Variants in MYO6 observed in about 807,000 individuals in gnomAD.
MYO6 encodes the protein myosin VI, also known as unconventional myosin-VI.
Under a neutral mutation model 178.7 loss-of-function variants are expected in MYO6, and 74 were observed. That is an observed-to-expected ratio of 0.41 (90% CI 0.34 to 0.50). The LOEUF (loss-of-function observed/expected upper bound fraction) is 0.50. Ranked by LOEUF, MYO6 falls within the 20% of genes least tolerant of loss-of-function variation. The pLI, the probability that MYO6 is intolerant of heterozygous loss-of-function variation, is 0.09. For synonymous variants in MYO6, 477 were observed against 504.6 expected (o/e 0.95, Z 0.73); for missense variants, 1,330 against 1,547.4 (o/e 0.86, Z 2.36).
intron 6 of MYO6, 22 bp from the exon 7 acceptor site, chr6:75,835,879 T>C: frequency 6.9e-7 from 1 of 1,452,606 alleles, no homozygotes; most frequent in Non-Finnish European, 9.7e-7. Context: ...CATCAACATT[T>C]TTTATCCTAT....
In MYO6 at chr6:75,908,517, G is replaced by T. The variant is rs1312507204; in HGVS notation, c.3302G>T (p.Cys1101Phe). Residue 1101 changes from cysteine (C) to phenylalanine (F), a missense_variant, in exon 32 of 35, where the codon TGC (cysteine) becomes TTC (phenylalanine). Physicochemically the swap from Cys to Phe is radical, Grantham distance 205. Coordinates refer to ENST00000369977, the MANE Select transcript of MYO6 (RefSeq NM_004999.4). ...ATAGATATTGAGCTCCTGGCAGCTTGCAGAGAAGAATTTCATAGGAGACTA... is the reference window on the plus strand; with the variant it reads ...ATAGATATTGAGCTCCTGGCAGCTTTCAGAGAAGAATTTCATAGGAGACTA... Reference protein sequence around the residue: ...TSCDIELLAACREEFHRRLKV... With the variant: ...TSCDIELLAAFREEFHRRLKV... The T allele has an allele frequency of 6.2e-7, 1 of 1,612,772 alleles. No individual in the cohort carries two copies. The highest frequency in any genetic ancestry group is 8.5e-7 in the Non-Finnish European group (1 of 1,179,548).
chr6:75,781,086 T>C (rs895189488), intron 1 of MYO6, among the ~76,000 whole-genome samples: 3 of 152,118 alleles, frequency 2.0e-5, no homozygotes, highest in Non-Finnish European at 4.4e-5. Context: ...GTGCTGGGAT[T>C]ACAGGCATAA....
At position 75,915,023 on chromosome 6, in the gene MYO6, C is replaced by A; in HGVS notation, c.*11C>A. 1.1e-5 allele frequency: 17 copies of A among 1,608,574 alleles called. No individual in the cohort carries two copies. The highest frequency in any genetic ancestry group is 1.4e-5 in the Non-Finnish European group (16 of 1,177,850). ...AGTCTGTTAAAGTAGATGTTGCACA[C>A]CAGCCTTACAGCTGGGAGCCTTTGC... On this transcript the variant is annotated 3_prime_UTR_variant, in exon 35 of 35. Transcript: ENST00000369977.
At chr6:75,825,923 T>C (rs1200001375) in intron 3 of MYO6, among the ~76,000 whole-genome samples, 1 of 152,214 alleles carries the variant, frequency 6.6e-6, no homozygotes, top group Non-Finnish European at 1.5e-5. Context: ...TTTTGTTATA[T>C]GTCTTATGTT....
chr6:75,896,191 T>C (rs1779287918), intron 29 of MYO6, among the ~76,000 whole-genome samples: 1 of 152,330 alleles, frequency 6.6e-6, no homozygotes, highest in African/African-American at 2.4e-5. Context: ...TTCTCAACTC[T>C]ATCAGGCTCC....
intron 18 of MYO6, among the ~76,000 whole-genome samples, chr6:75,870,391 GT>G (rs1314852103): frequency 1.3e-5 from 2 of 152,040 alleles, no homozygotes; most frequent in African/African-American, 4.8e-5. Flanking sequence ...ATGTGTGTAT[GT>G]TTTTAATATT....
intron 5 of MYO6, among the ~76,000 whole-genome samples, chr6:75,831,229 T>C (rs1773044051): frequency 6.6e-6 from 1 of 152,134 alleles, no homozygotes; most frequent in South Asian, 2.1e-4. Flanking sequence ...CATTCAGACA[T>C]AAAGCAGCTA....
intron 1 of MYO6, among the ~76,000 whole-genome samples, chr6:75,773,383 T>A (rs1459846948): frequency 6.6e-6 from 1 of 152,210 alleles, no homozygotes; most frequent in Admixed American, 6.5e-5. Flanking sequence ...TGGAATTGAT[T>A]ACCTTGAAAG....
intron 11 of MYO6, among the ~76,000 whole-genome samples, chr6:75,851,574 G>T (rs1775267014): frequency 6.6e-6 from 1 of 151,810 alleles, no homozygotes; most frequent in Non-Finnish European, 1.5e-5. Flanking sequence ...AGGCTGAGGC[G>T]GGAGGGTTAC....
chr6:75,791,122 TG>T lies in MYO6; in HGVS notation c.-47-26374del, dbSNP rs557455075. ...TAGTTTTTTGTATTTTTAGTAGAGA[TG>T]GGGGTTTCACCGTGTTAGCCAGGAT... is the stretch of plus-strand genomic sequence containing the variant. On this transcript the variant is annotated intron_variant, in intron 1 of 34. Transcript: ENST00000369977. Among the ~76,000 whole-genome samples the T allele has an allele frequency of 1.2e-4, 19 of 152,038 alleles. No individual in the cohort carries two copies. The East Asian group carries it at 3.5e-3, about 28-fold the overall frequency.
intron 1 of MYO6, among the ~76,000 whole-genome samples, chr6:75,788,337 C>G (rs1456620970): frequency 1.3e-5 from 2 of 152,088 alleles, no homozygotes; most frequent in Non-Finnish European, 2.9e-5. Flanking sequence ...GCACTCCAGC[C>G]TGGGCAACTG....
chr6:75,892,222 A>C (rs1236483290), intron 27 of MYO6, among the ~76,000 whole-genome samples: 4 of 152,188 alleles, frequency 2.6e-5, no homozygotes, highest in African/African-American at 9.6e-5. Context: ...TCTAGGTGTT[A>C]GTGTTAATGG....
At position 75,914,888 on chromosome 6, in the gene MYO6, T is replaced by C. The variant is rs770465806; in HGVS notation, c.3734T>C (p.Leu1245Ser). 1 of 1,614,140 alleles carries C rather than the reference T, an allele frequency of 6.2e-7. No homozygotes were observed. The highest frequency in any genetic ancestry group is 8.5e-7 in the Non-Finnish European group (1 of 1,180,010). ...GLTRKRGAEI[L>S]PRQFEEIWER... is the part of the protein sequence containing the mutation. The stretch of plus-strand genomic sequence containing the variant: ...ACTCGGAAGCGTGGTGCTGAGATCT[T>C]GCCAAGACAGTTTGAAGAAATCTGG... Residue 1245 changes from leucine (L) to serine (S), a missense_variant, in exon 35 of 35, where the codon TTG becomes TCG. Coordinates refer to ENST00000369977, the MANE Select transcript of MYO6 (RefSeq NM_004999.4).
intron 1 of MYO6, among the ~76,000 whole-genome samples, chr6:75,758,169 G>A (rs1164980408): frequency 6.6e-6 from 1 of 151,428 alleles, no homozygotes; most frequent in East Asian, 2.0e-4. Context: ...GTAGACACGG[G>A]GTTTCACTAT....
chr6:75,841,785 T>C (rs1008267692), intron 9 of MYO6, among the ~76,000 whole-genome samples: 18 of 152,196 alleles, frequency 1.2e-4, no homozygotes, highest in Admixed American at 7.9e-4. Flanking sequence ...ACTTGTTGTG[T>C]GTATGTAACT....
At chr6:75,893,172 G>A (rs1779037720) in intron 28 of MYO6, among the ~76,000 whole-genome samples, 2 of 152,052 alleles carry the variant, frequency 1.3e-5, no homozygotes, top group South Asian at 2.1e-4. Context: ...GAATAAATGA[G>A]TTTCCCTTTA....
At chr6:75,870,379 A>G (rs897762417) in intron 18 of MYO6, among the ~76,000 whole-genome samples, 2 of 152,084 alleles carry the variant, frequency 1.3e-5, no homozygotes, top group Admixed American at 6.6e-5. Flanking sequence ...CCATCTGCAA[A>G]TATGTGTGTA....
chr6:75,798,166 G>A (rs945243475), intron 1 of MYO6, among the ~76,000 whole-genome samples: 8 of 152,150 alleles, frequency 5.3e-5, no homozygotes, highest in Non-Finnish European at 8.8e-5. Context: ...TATATATGGT[G>A]AAAGGTAGGG....
Position 75,858,986 on chromosome 6 carries a change from T to C in MYO6, c.1466T>C (p.Leu489Pro). ...KLQQFFNERI[L>P]KEEQELYQKE... The stretch of plus-strand genomic sequence containing the variant: ...CAACAATTTTTTAATGAAAGGATTC[T>C]GAAGGAGGTAATTGCCATTATAAGT... The change falls in exon 14 of 35, where the codon CTG becomes CCG. Residue 489 changes from leucine to proline, a missense_variant. Leu to Pro is a moderately conservative substitution (Grantham distance 98). Around this residue, in one of 3 missense-constraint regions of MYO6, gnomAD observed 613 missense variants for 816.8 expected, o/e 0.75. Coordinates refer to ENST00000369977, the MANE Select transcript of MYO6 (RefSeq NM_004999.4). The C allele has an allele frequency of 6.3e-7, 1 of 1,584,760 alleles. No homozygotes were observed. Among genetic ancestry groups the C allele is most frequent in the Admixed American group, 1.7e-5 (1 of 59,794 alleles).
Sources: allele counts gnomAD v4.1 joint callset (sites outside exome capture counted in the v4.1 genomes callset), GRCh38; gene constraint gnomAD v4.1.1; regional missense constraint gnomAD v4.1.1; transcripts MANE v1.5; gene names NCBI Gene and HGNC (gene_info 2026-07-23, HGNC 2026-07-21).